NRG1: variants seen among roughly 807,000 people sequenced by gnomAD.
The protein encoded by NRG1 is pro-neuregulin-1, membrane-bound isoform.
In NRG1, 18 loss-of-function variants were observed where a neutral mutation model predicts 63.8. That is an observed-to-expected ratio of 0.28 (90% CI 0.19 to 0.42). NRG1 has a LOEUF of 0.42. NRG1 is among the 10% of genes least tolerant of loss of function. The pLI is 1.00. For missense variants in NRG1, 762 were observed against 814.7 expected (o/e 0.94, Z 0.79); for synonymous variants, 302 against 301.3 (o/e 1.00, Z -0.02).
chr8:31,882,178 C>G (rs999858506), intron 1 of NRG1, among the ~76,000 whole-genome samples: 3 of 152,006 alleles, frequency 2.0e-5, no homozygotes, highest in East Asian at 3.9e-4. Flanking sequence ...ATTTACCATT[C>G]TGAAAATCTT....
chr8:32,616,130 A>C (rs1170477896), intron 4 of NRG1, among the ~76,000 whole-genome samples: 4 of 152,098 alleles, frequency 2.6e-5, no homozygotes, highest in African/African-American at 9.7e-5. Context: ...CTTACTAATG[A>C]AAACCCATCC....
chr8:32,771,715 A>AAAAAAAAATAT (rs1343943621), downstream of NRG1, among the ~76,000 whole-genome samples: 78 of 111,842 alleles, frequency 7.0e-4, no homozygotes, highest in East Asian at 3.2e-3. Flanking sequence ...TTAAAAAAAA[A>AAAAAAAAATAT]ATATATATAT....
intron 1 of NRG1, among the ~76,000 whole-genome samples, chr8:32,117,084 G>T (rs569510980): frequency 1.9e-4 from 29 of 151,872 alleles, no homozygotes; most frequent in African/African-American, 6.5e-4. Flanking sequence ...CCAGGTTGCA[G>T]AGAGCCATGA....
At chr8:31,789,568 A>T (rs1302868954) in intron 1 of NRG1, among the ~76,000 whole-genome samples, 1 of 152,220 alleles carries the variant, frequency 6.6e-6, no homozygotes, top group African/African-American at 2.4e-5. Context: ...CCACAACGTG[A>T]TAGAAGGAAG....
At chr8:32,327,736 T>C (rs1403600054) in intron 1 of NRG1, among the ~76,000 whole-genome samples, 2 of 152,240 alleles carry the variant, frequency 1.3e-5, no homozygotes, top group Non-Finnish European at 2.9e-5. Flanking sequence ...GATCACCATA[T>C]TGGAGACCTT....
chr8:32,246,809 G>A (rs1296507150), intron 1 of NRG1, among the ~76,000 whole-genome samples: 1 of 152,050 alleles, frequency 6.6e-6, no homozygotes, highest in Non-Finnish European at 1.5e-5. Context: ...TACAGGGGAT[G>A]GGGGTGGAGG....
At chr8:32,581,313 G>A (rs1840590730) in intron 1 of NRG1, among the ~76,000 whole-genome samples, 1 of 152,182 alleles carries the variant, frequency 6.6e-6, no homozygotes, top group Non-Finnish European at 1.5e-5. Context: ...GCGTTCTAAT[G>A]TGTTTGGCTA....
At chr8:31,713,109 A>ATTTTT (rs11304829) in intron 1 of NRG1, among the ~76,000 whole-genome samples, 3 of 86,042 alleles carry the variant, frequency 3.5e-5, no homozygotes, top group Non-Finnish European at 4.7e-5. Context: ...ACTCCTTCTA[A>ATTTTT]TTTTTTTTTT....
At chr8:31,744,707 A>T (rs1242628210) in intron 1 of NRG1, among the ~76,000 whole-genome samples, 1 of 152,002 alleles carries the variant, frequency 6.6e-6, no homozygotes, top group Admixed American at 6.6e-5. Flanking sequence ...TACTGCTTTA[A>T]CTGAAACACA....
At chr8:31,716,021 G>T (rs932350330) in intron 1 of NRG1, among the ~76,000 whole-genome samples, 1 of 152,122 alleles carries the variant, frequency 6.6e-6, no homozygotes, top group Non-Finnish European at 1.5e-5. Flanking sequence ...AAGTTTCTTT[G>T]TGTCCTAATA....
At chr8:32,699,571 C>T (rs1215872259) in intron 5 of NRG1, among the ~76,000 whole-genome samples, 1 of 152,142 alleles carries the variant, frequency 6.6e-6, no homozygotes, top group African/African-American at 2.4e-5. Flanking sequence ...TATATTAAGA[C>T]TTTAAAAGAA....
chr8:32,693,478 A>G (rs1456198674), intron 5 of NRG1, among the ~76,000 whole-genome samples: 3 of 150,650 alleles, frequency 2.0e-5, no homozygotes, highest in African/African-American at 7.3e-5. Context: ...GGCCTCCCAA[A>G]GTGCTGGGAT....
chr8:31,870,320 T>C (rs1415507226), intron 1 of NRG1, among the ~76,000 whole-genome samples: 1 of 152,088 alleles, frequency 6.6e-6, no homozygotes, highest in Non-Finnish European at 1.5e-5. Context: ...AACCCAATTA[T>C]GAGATAGGTG....
chr8:32,383,259 A>G (rs1810577657), intron 1 of NRG1, among the ~76,000 whole-genome samples: 1 of 152,114 alleles, frequency 6.6e-6, no homozygotes, highest in Non-Finnish European at 1.5e-5. Context: ...GGTAAAAGTA[A>G]ACCTTTCTTT....
chr8:32,071,957 T>C (rs750173418), intron 1 of NRG1, among the ~76,000 whole-genome samples: 2 of 152,126 alleles, frequency 1.3e-5, no homozygotes, highest in African/African-American at 4.8e-5. Flanking sequence ...TATGAGGACA[T>C]TGCTAGCTTA....
intron 1 of NRG1, among the ~76,000 whole-genome samples, chr8:32,262,995 C>T (rs1586481741): frequency 6.6e-6 from 1 of 152,250 alleles, no homozygotes; most frequent in Admixed American, 6.5e-5. Context: ...ACCTTCTCTT[C>T]TAGGCTACTT....
intron 1 of NRG1, among the ~76,000 whole-genome samples, chr8:32,120,099 T>C (rs1226807378): frequency 2.6e-5 from 4 of 152,068 alleles, no homozygotes; most frequent in African/African-American, 9.7e-5. Context: ...TAGTTTATCT[T>C]AAAAATCCTA....
chr8:31,717,033 C>T (rs942317387), intron 1 of NRG1, among the ~76,000 whole-genome samples: 4 of 152,186 alleles, frequency 2.6e-5, no homozygotes, highest in African/African-American at 9.6e-5. Flanking sequence ...TTCCTCTCTG[C>T]TTTCTTTTCT....
intron 1 of NRG1, among the ~76,000 whole-genome samples, chr8:32,144,261 A>G (rs1342770398): frequency 6.6e-6 from 1 of 152,230 alleles, no homozygotes; most frequent in African/African-American, 2.4e-5. Context: ...AAAAAAGAAG[A>G]AGAAAGAAAG....
Sources: allele counts gnomAD v4.1 joint callset (sites outside exome capture counted in the v4.1 genomes callset), GRCh38; gene constraint gnomAD v4.1.1; transcripts MANE v1.5; gene names NCBI Gene and HGNC (gene_info 2026-07-23, HGNC 2026-07-21).